MAP2K5: variants seen among roughly 807,000 people sequenced by gnomAD.
The protein encoded by MAP2K5 is dual specificity mitogen-activated protein kinase kinase 5.
A neutral mutation model predicts 83.1 loss-of-function variants in MAP2K5; 49 were observed. The observed-to-expected ratio is 0.59, with a 90% CI of 0.47 to 0.75. MAP2K5 has a LOEUF of 0.75. Among genes scored for constraint, MAP2K5 ranks in the 30% least tolerant of loss-of-function variants. The probability of loss-of-function intolerance (pLI) is 0.00; values close to 1 mark genes in which losing one functional copy is unlikely to be tolerated. For synonymous variants in MAP2K5, 202 were observed against 191.8 expected (o/e 1.05, Z -0.44); for missense variants, 457 against 557.5 (o/e 0.82, Z 1.82).
At chr15:67,740,472 G>C (rs1439150651) in intron 17 of MAP2K5, among the ~76,000 whole-genome samples, 2 of 152,034 alleles carry the variant, frequency 1.3e-5, no homozygotes, top group African/African-American at 2.4e-5. Flanking sequence ...CACACCTGTA[G>C]TCCCAGCTAC....
intron 8 of MAP2K5, among the ~76,000 whole-genome samples, chr15:67,601,127 G>C (rs1185489278): frequency 6.6e-6 from 1 of 152,160 alleles, no homozygotes; most frequent in Non-Finnish European, 1.5e-5. Flanking sequence ...GTGGAAGCCA[G>C]ACCTTATAAA....
chr15:67,759,551 CTG>C (rs1036048075), intron 19 of MAP2K5, among the ~76,000 whole-genome samples: 2 of 118,000 alleles, frequency 1.7e-5, no homozygotes, highest in Non-Finnish European at 3.5e-5. Flanking sequence ...CAGAGCGAGA[CTG>C]TGTCTCAAAA....
rs1360454610 is a variant in MAP2K5, at chr15:67,636,134, C to T, written c.585+5207C>T. Among the ~76,000 whole-genome samples the T allele has an allele frequency of 1.3e-5, 2 of 152,070 alleles. No homozygotes were observed. Among genetic ancestry groups the T allele is most frequent in the Non-Finnish European group, 1.5e-5 (1 of 68,008 alleles). On this transcript the variant is annotated intron_variant, in intron 9 of 21. Coordinates refer to ENST00000178640, the MANE Select transcript of MAP2K5 (RefSeq NM_145160.3). This position sits in a 1 kb window ranked among gnomAD's most constrained non-coding sequence, Gnocchi z 4.7. Reference sequence around the variant, plus strand: ...TGCTTTCTTGAAAGTATGAAATGACCGGGCGCCGTGGCTCATGCCTGTAAT... The same window carrying T: ...TGCTTTCTTGAAAGTATGAAATGACTGGGCGCCGTGGCTCATGCCTGTAAT...
intron 21 of MAP2K5, among the ~76,000 whole-genome samples, chr15:67,789,699 G>C (rs1158847523): frequency 1.3e-5 from 2 of 150,336 alleles, no homozygotes; most frequent in Admixed American, 6.6e-5. Flanking sequence ...TGAGCAACAA[G>C]AGCAAAACTC....
In MAP2K5 at chr15:67,794,143, A is replaced by C. The variant is rs2090564610; in HGVS notation, c.1243-12503A>C. Among the ~76,000 whole-genome samples the C allele has an allele frequency of 6.6e-6, 1 of 152,370 alleles. No homozygotes were observed. Among genetic ancestry groups the C allele is most frequent in the Non-Finnish European group, 1.5e-5 (1 of 68,036 alleles). ...TCAGTCATTCATTCTGCCCATGACC[A>C]GTGACACCACCTTGGAAAATGCAGG... is the stretch of plus-strand genomic sequence containing the variant. On this transcript the variant is annotated intron_variant, in intron 21 of 21. Coordinates refer to ENST00000178640, the MANE Select transcript of MAP2K5 (RefSeq NM_145160.3). The surrounding 1 kb of genome is among the most constrained non-coding windows in gnomAD (Gnocchi z 4.6).
At position 67,587,482 on chromosome 15, in the gene MAP2K5, GC is replaced by G. The variant is rs1240659157; in HGVS notation, c.431+572del. ...TGAGCAGAAGCTCCCATCTAATCCT[GC>G]CCTCCTTTAATGTTTGACTTCCTAC... On this transcript the variant is annotated intron_variant, in intron 6 of 21. Coordinates refer to ENST00000178640, the MANE Select transcript of MAP2K5 (RefSeq NM_145160.3). The surrounding 1 kb of genome is among the most constrained non-coding windows in gnomAD (Gnocchi z 4.8). Among the ~76,000 whole-genome samples the G allele has an allele frequency of 6.6e-6, 1 of 152,202 alleles. No homozygotes were observed. Among genetic ancestry groups the G allele is most frequent in the East Asian group, 1.9e-4 (1 of 5,184 alleles).
At chr15:67,675,830 AGTC>A (rs2087666601) in intron 13 of MAP2K5, among the ~76,000 whole-genome samples, 1 of 152,180 alleles carries the variant, frequency 6.6e-6, no homozygotes, top group Non-Finnish European at 1.5e-5. Flanking sequence ...TCATAGGCAG[AGTC>A]ATCCCTTTTA....
chr15:67,733,739 G>A (rs1429498141), intron 17 of MAP2K5, among the ~76,000 whole-genome samples: 2 of 152,174 alleles, frequency 1.3e-5, no homozygotes, highest in Non-Finnish European at 2.9e-5. Context: ...GTCTCAAAGA[G>A]GCATTCTTAA....
At chr15:67,568,811 C>T (rs1313831841) in intron 3 of MAP2K5, among the ~76,000 whole-genome samples, 2 of 151,702 alleles carry the variant, frequency 1.3e-5, no homozygotes, top group Non-Finnish European at 2.9e-5. Context: ...TCGTGACCAT[C>T]CTGACTAACA....
chr15:67,693,780 C>T (rs2088175149), intron 15 of MAP2K5, among the ~76,000 whole-genome samples: 1 of 152,180 alleles, frequency 6.6e-6, no homozygotes. Flanking sequence ...GTTGACTTAA[C>T]TGGTTGGTTC....
At chr15:67,796,863 G>A (rs956600361) in intron 21 of MAP2K5, among the ~76,000 whole-genome samples, 1 of 152,172 alleles carries the variant, frequency 6.6e-6, no homozygotes, top group Non-Finnish European at 1.5e-5. Context: ...GCTGCTTAAG[G>A]GACATTCAAG....
At position 67,757,843 on chromosome 15, in the gene MAP2K5, G is replaced by A. The variant is rs768729195; in HGVS notation, c.1134+9242G>A. Among the ~76,000 whole-genome samples the A allele has an allele frequency of 1.3e-5, 2 of 152,120 alleles. No individual in the cohort carries two copies. Among genetic ancestry groups the A allele is most frequent in the Admixed American group, 1.3e-4 (2 of 15,270 alleles). On this transcript the variant is annotated intron_variant, in intron 19 of 21. Coordinates refer to ENST00000178640, the MANE Select transcript of MAP2K5 (RefSeq NM_145160.3). The surrounding 1 kb of genome is among the most constrained non-coding windows in gnomAD (Gnocchi z 4.9). ...ATTCTATAATTAAAGTGTGGCCAAG[G>A]TGCTGGGGAAACACAGAGGAGAGAA...
At chr15:67,596,947 G>T (rs994665836) in intron 7 of MAP2K5, among the ~76,000 whole-genome samples, 5 of 152,042 alleles carry the variant, frequency 3.3e-5, no homozygotes, top group African/African-American at 1.2e-4. Flanking sequence ...CGAGTCGGGC[G>T]GATCACGAGG....
chr15:67,660,073 CA>C (rs1408523766), intron 12 of MAP2K5, among the ~76,000 whole-genome samples: 3 of 152,092 alleles, frequency 2.0e-5, no homozygotes, highest in East Asian at 1.9e-4. Flanking sequence ...TTTGCCTTTA[CA>C]TTTTTTTTAA....
rs1487199799 is a variant in MAP2K5, at chr15:67,747,117, T to C, written c.1075-1114T>C. Among the ~76,000 whole-genome samples the C allele has an allele frequency of 2.6e-5, 4 of 152,242 alleles. No homozygotes were observed. The highest frequency in any genetic ancestry group is 5.9e-5 in the Non-Finnish European group (4 of 68,038). Reference sequence around the variant, plus strand: ...ACCACCACACCCTGGCGCTGAGGCCTCAGGCCCGGACACTGTCCTCTGATA... The same window carrying C: ...ACCACCACACCCTGGCGCTGAGGCCCCAGGCCCGGACACTGTCCTCTGATA... On this transcript the variant is annotated intron_variant, in intron 17 of 21. Coordinates refer to ENST00000178640, the MANE Select transcript of MAP2K5 (RefSeq NM_145160.3). The surrounding 1 kb of genome is among the most constrained non-coding windows in gnomAD (Gnocchi z 4.1).
At position 67,717,733 on chromosome 15, in the gene MAP2K5, A is replaced by G. The variant is rs116067154; in HGVS notation, c.1045-10183A>G. 1.4e-3 allele frequency among the ~76,000 whole-genome samples: 212 copies of G among 152,302 alleles called. No homozygotes were observed. Among genetic ancestry groups the G allele is most frequent in the African/African-American group, 4.7e-3 (197 of 41,560 alleles). ...ATCCAAGATGACTTCATATGCGTGT[A>G]TGATGCTTTGGTGGGGATGGCCAGG... is the stretch of plus-strand genomic sequence containing the variant. On this transcript the variant is annotated intron_variant, in intron 16 of 21. Transcript: ENST00000178640. The surrounding 1 kb of genome is among the most constrained non-coding windows in gnomAD (Gnocchi z 4.1).
Position 67,543,430 on chromosome 15 carries a change from CAGT to C in MAP2K5, c.96_98del (p.Val33del), listed in dbSNP as rs754539722. The C allele has an allele frequency of 3.7e-6, 6 of 1,614,138 alleles. No homozygotes were observed. The highest frequency in any genetic ancestry group is 5.1e-6 in the Non-Finnish European group (6 of 1,180,012). On this transcript the variant is annotated inframe_deletion, in exon 1 of 22. Transcript: ENST00000178640. The surrounding 1 kb of genome is among the most constrained non-coding windows in gnomAD (Gnocchi z 4.3). ...CCAAATAGTGGCGCGGTGGACTGGA[CAGT>C]GCACTCCGGGCCGCAGTTACTCTTC...
At chr15:67,625,088 T>C (rs1042463829) in intron 8 of MAP2K5, among the ~76,000 whole-genome samples, 2 of 152,238 alleles carry the variant, frequency 1.3e-5, no homozygotes, top group Non-Finnish European at 2.9e-5. Context: ...AATAATTTTC[T>C]CTGTTTTCTA....
At position 67,555,996 on chromosome 15, in the gene MAP2K5, G is replaced by A. The variant is rs1448778310; in HGVS notation, c.184+5914G>A. 6.6e-6 allele frequency among the ~76,000 whole-genome samples: 1 copy of A among 152,060 alleles called. No individual in the cohort carries two copies. The highest frequency in any genetic ancestry group is 1.5e-5 in the Non-Finnish European group (1 of 68,004). On this transcript the variant is annotated intron_variant, in intron 2 of 21. Coordinates refer to ENST00000178640, the MANE Select transcript of MAP2K5 (RefSeq NM_145160.3). The surrounding 1 kb of genome is among the most constrained non-coding windows in gnomAD (Gnocchi z 5.2). The stretch of plus-strand genomic sequence containing the variant: ...ATACGGGGTTTCACCATGTTGACCA[G>A]ACTGGTCTCAAACTCCTGACCTCAG...
Sources: allele counts gnomAD v4.1 joint callset (sites outside exome capture counted in the v4.1 genomes callset), GRCh38; gene constraint gnomAD v4.1.1; non-coding constraint Gnocchi (gnomAD v3.1); transcripts MANE v1.5; gene names NCBI Gene and HGNC (gene_info 2026-07-23, HGNC 2026-07-21).